The following PPP2R2C variants were observed in gnomAD, a reference collection of about 807,000 sequenced individuals.
PPP2R2C encodes the protein protein phosphatase 2, regulatory subunit B, gamma.
PPP2R2C carries 10 observed loss-of-function variants against 45.3 expected under a neutral mutation model. The ratio of observed to expected loss-of-function variants is 0.22; its 90% CI spans 0.14 to 0.37. The LOEUF (loss-of-function observed/expected upper bound fraction) is 0.37. Ranked by LOEUF, PPP2R2C falls within the 10% of genes least tolerant of loss-of-function variation. The pLI is 1.00. For missense variants in PPP2R2C, 308 were observed against 619.7 expected (o/e 0.50, Z 5.34); for synonymous variants, 257 against 245.4 (o/e 1.05, Z -0.44).
At chr4:6,415,990 T>C (rs1718553233) in intron 1 of PPP2R2C, among the ~76,000 whole-genome samples, 1 of 152,222 alleles carries the variant, frequency 6.6e-6, no homozygotes, top group Non-Finnish European at 1.5e-5. Flanking sequence ...ATCCACAGGA[T>C]CAGTGACCAG....
At chr4:6,470,002 A>C (rs1721783117) in intron 1 of PPP2R2C, among the ~76,000 whole-genome samples, 1 of 152,170 alleles carries the variant, frequency 6.6e-6, no homozygotes, top group South Asian at 2.1e-4. Context: ...GAGCCTTCGT[A>C]TGAGGTCCCA....
intron 1 of PPP2R2C, among the ~76,000 whole-genome samples, chr4:6,543,790 G>A (rs946167765): frequency 6.6e-6 from 1 of 152,210 alleles, no homozygotes; most frequent in African/African-American, 2.4e-5. Flanking sequence ...TGGACATCCA[G>A]TTGCCACCTC....
chr4:6,431,091 G>C (rs1211174551), intron 1 of PPP2R2C, among the ~76,000 whole-genome samples: 3 of 152,218 alleles, frequency 2.0e-5, no homozygotes, highest in Non-Finnish European at 2.9e-5. Context: ...TGACAGAGAT[G>C]GTTCTGCCTG....
At chr4:6,502,707 T>C (rs1275905084) in intron 2 of PPP2R2C, among the ~76,000 whole-genome samples, 3 of 152,132 alleles carry the variant, frequency 2.0e-5, no homozygotes, top group Non-Finnish European at 4.4e-5. Context: ...GGCAGGGTAA[T>C]AGGATAGAGG....
chr4:6,354,414 T>C (rs370814209), intron 5 of PPP2R2C, among the ~76,000 whole-genome samples: 15 of 152,076 alleles, frequency 9.9e-5, no homozygotes, highest in African/African-American at 3.4e-4. Context: ...TCAGGACCAT[T>C]GTGCTGTGTA....
chr4:6,425,865 G>GGT (rs923248058), intron 1 of PPP2R2C, among the ~76,000 whole-genome samples: 21 of 151,562 alleles, frequency 1.4e-4, no homozygotes, highest in Admixed American at 3.9e-4. Flanking sequence ...GTATGTGTGG[G>GGT]GTGTGTGTGT....
chr4:6,560,286 TG>T (rs1484402801), intron 1 of PPP2R2C, among the ~76,000 whole-genome samples: 1 of 152,248 alleles, frequency 6.6e-6, no homozygotes, highest in East Asian at 1.9e-4. Flanking sequence ...GGAACTTCTA[TG>T]TTCTTCTGGA....
At position 6,331,871 on chromosome 4, in the gene PPP2R2C, C is replaced by A. The variant is rs1319336404; in HGVS notation, c.960+1691G>T. Reference sequence around the variant, plus strand: ...GCCCCGATTTGTTAAGCACCGCACACCAGCCGAACGCAGTCCTGCTACACA... The same window carrying A: ...GCCCCGATTTGTTAAGCACCGCACAACAGCCGAACGCAGTCCTGCTACACA... On this transcript the variant is annotated intron_variant, in intron 7 of 8. Coordinates refer to ENST00000382599, the MANE Select transcript of PPP2R2C (RefSeq NM_020416.4). This position sits in a 1 kb window ranked among gnomAD's most constrained non-coding sequence, Gnocchi z 5.9. 6.6e-6 allele frequency among the ~76,000 whole-genome samples: 1 copy of A among 152,214 alleles called. No homozygotes were observed. The highest frequency in any genetic ancestry group is 1.5e-5 in the Non-Finnish European group (1 of 68,046).
intron 2 of PPP2R2C, 21 bp downstream of exon 2, chr4:6,380,976 A>G: frequency 7.9e-7 from 1 of 1,273,388 alleles, no homozygotes; most frequent in Non-Finnish European, 1.0e-6. Context: ...CCCACCTCCC[A>G]CCAGACCCAG....
chr4:6,338,946 A>G (rs1466761663), intron 6 of PPP2R2C, among the ~76,000 whole-genome samples: 1 of 152,222 alleles, frequency 6.6e-6, no homozygotes, highest in African/African-American at 2.4e-5. Context: ...TTCAGAGGTC[A>G]TGCCTGGAGG....
chr4:6,557,925 G>A (rs1162276647), intron 1 of PPP2R2C, among the ~76,000 whole-genome samples: 4 of 152,216 alleles, frequency 2.6e-5, no homozygotes, highest in Admixed American at 6.5e-5. Context: ...CACCTGCTGC[G>A]TGACTCCAGG....
At position 6,370,258 on chromosome 4, in the gene PPP2R2C, C is replaced by T. The variant is rs544524672; in HGVS notation, c.625+2265G>A. On this transcript the variant is annotated intron_variant, in intron 5 of 8. Coordinates refer to ENST00000382599, the MANE Select transcript of PPP2R2C (RefSeq NM_020416.4). ...GGGCCAGTCCCTCATCTCCCCCAGC[C>T]TCCGTTTCCTCATCTGTGAAATGGG... 8.5e-5 allele frequency among the ~76,000 whole-genome samples: 13 copies of T among 152,372 alleles called. No homozygotes were observed. The South Asian group carries it at 2.7e-3, about 32-fold the overall frequency.
chr4:6,438,213 G>A (rs1157744908), intron 1 of PPP2R2C, among the ~76,000 whole-genome samples: 3 of 152,204 alleles, frequency 2.0e-5, no homozygotes, highest in African/African-American at 7.2e-5. Context: ...TTGCAAAGTA[G>A]GTCGTATGCA....
chr4:6,512,740 G>C (rs964556349), intron 2 of PPP2R2C, among the ~76,000 whole-genome samples: 1 of 151,822 alleles, frequency 6.6e-6, no homozygotes, highest in Admixed American at 6.6e-5. Context: ...AATGGTGGCA[G>C]TGAGGATAAG....
chr4:6,503,203 C>T (rs994946178), intron 2 of PPP2R2C, among the ~76,000 whole-genome samples: 2 of 152,208 alleles, frequency 1.3e-5, no homozygotes, highest in Admixed American at 6.5e-5. Flanking sequence ...CAGCACTCCT[C>T]GGACCTCATG....
intron 1 of PPP2R2C, among the ~76,000 whole-genome samples, chr4:6,413,143 G>A (rs1718298888): frequency 1.3e-5 from 2 of 151,804 alleles, no homozygotes; most frequent in South Asian, 2.1e-4. Flanking sequence ...AATAAACAGA[G>A]TGAACATGTA....
intron 2 of PPP2R2C, among the ~76,000 whole-genome samples, chr4:6,522,990 G>A (rs1724074656): frequency 6.6e-6 from 1 of 152,240 alleles, no homozygotes; most frequent in Non-Finnish European, 1.5e-5. Context: ...AGCCTGGCAG[G>A]GGTGGACCGG....
intron 1 of PPP2R2C, among the ~76,000 whole-genome samples, chr4:6,429,296 T>C (rs1160583276): frequency 6.6e-6 from 1 of 152,248 alleles, no homozygotes; most frequent in Non-Finnish European, 1.5e-5. Flanking sequence ...ATTTCTAGGC[T>C]TATTTTTCAC....
intron 1 of PPP2R2C, among the ~76,000 whole-genome samples, chr4:6,456,116 C>T (rs1057337179): frequency 6.6e-6 from 1 of 152,190 alleles, no homozygotes; most frequent in Non-Finnish European, 1.5e-5. Context: ...ATAATAATAC[C>T]TACATCGTGA....
Sources: allele counts gnomAD v4.1 joint callset (sites outside exome capture counted in the v4.1 genomes callset), GRCh38; gene constraint gnomAD v4.1.1; non-coding constraint Gnocchi (gnomAD v3.1); transcripts MANE v1.5; gene names NCBI Gene and HGNC (gene_info 2026-07-23, HGNC 2026-07-21).